Variants in DENND6A observed in about 807,000 individuals in gnomAD.
DENND6A encodes protein DENND6A.
DENND6A carries 43 observed loss-of-function variants against 95.5 expected under a neutral mutation model. The observed-to-expected ratio is 0.45, with a 90% CI of 0.35 to 0.58. The LOEUF (loss-of-function observed/expected upper bound fraction) is 0.58, where lower values mean the gene tolerates loss of function less well. Among genes scored for constraint, DENND6A ranks in the 20% least tolerant of loss-of-function variants. DENND6A has a pLI of 0.00. For synonymous variants in DENND6A, 257 were observed against 260.4 expected (o/e 0.99, Z 0.13); for missense variants, 574 against 736.0 (o/e 0.78, Z 2.55).
intron 14 of DENND6A, among the ~76,000 whole-genome samples, chr3:57,633,987 C>CTGTT (rs922784640): frequency 2.0e-5 from 3 of 151,996 alleles, no homozygotes; most frequent in African/African-American, 7.2e-5. Flanking sequence ...CAGTCCCCTA[C>CTGTT]TGTTAGATGC....
At chr3:57,664,409 T>C (rs1269271405) in intron 4 of DENND6A, among the ~76,000 whole-genome samples, 1 of 152,244 alleles carries the variant, frequency 6.6e-6, no homozygotes, top group East Asian at 1.9e-4. Flanking sequence ...CAGTTCCTTA[T>C]TTGATTATTA....
intron 15 of DENND6A, 25 bp downstream of exon 15, chr3:57,633,240 T>C: frequency 1.3e-6 from 2 of 1,577,916 alleles, no homozygotes; most frequent in Non-Finnish European, 8.7e-7. Context: ...CATTAAATTA[T>C]GCAAAAATTT....
At position 57,663,567 on chromosome 3, in the gene DENND6A, T is replaced by C. The variant is rs1257024072; in HGVS notation, c.513+69A>G. On this transcript the variant is annotated intron_variant, in intron 5 of 19. Transcript: ENST00000311128. ...ACCAAAGACTTTAAAGACTCTTAAA[T>C]CTAACACTTTCTATTTTTCTAATCA... 7 of 1,121,266 alleles carry C rather than the reference T, an allele frequency of 6.2e-6. No homozygotes were observed. The East Asian group carries it at 8.3e-5, about 13-fold the overall frequency. The allele number at this position is 1,121,266 out of a possible 1,614,324, so 69.5% of individuals were successfully genotyped here.
intron 11 of DENND6A, among the ~76,000 whole-genome samples, chr3:57,643,696 G>A (rs538850756): frequency 4.0e-5 from 6 of 151,800 alleles, no homozygotes; most frequent in African/African-American, 7.3e-5. Flanking sequence ...GTGTGGTGGT[G>A]CATGCCTGTA....
intron 3 of DENND6A, among the ~76,000 whole-genome samples, chr3:57,671,241 C>T (rs750503387): frequency 6.6e-6 from 1 of 152,110 alleles, no homozygotes; most frequent in Non-Finnish European, 1.5e-5. Context: ...TTAGAAGTAA[C>T]CGGCCGGGTG....
chr3:57,650,417 T>TACAC (rs1317323281), intron 9 of DENND6A, among the ~76,000 whole-genome samples: 6 of 80,088 alleles, frequency 7.5e-5, no homozygotes, highest in Non-Finnish European at 1.7e-4. Flanking sequence ...TACATGCATT[T>TACAC]ACATACACAC....
intron 15 of DENND6A, among the ~76,000 whole-genome samples, chr3:57,632,614 C>T (rs968494422): frequency 2.0e-4 from 31 of 152,128 alleles, no homozygotes; most frequent in Non-Finnish European, 4.1e-4. Context: ...CCAGGATGCC[C>T]TATATAATGT....
intron 1 of DENND6A, among the ~76,000 whole-genome samples, chr3:57,688,280 GC>G (rs2077229444): frequency 6.6e-6 from 1 of 152,058 alleles, no homozygotes; most frequent in Admixed American, 6.6e-5. Flanking sequence ...ACAGGCATGA[GC>G]CACCACACTC....
At chr3:57,629,678 AT>A (rs1208541846) in intron 18 of DENND6A, among the ~76,000 whole-genome samples, 3,149 of 136,440 alleles carry the variant, frequency 0.023, 70 homozygotes, top group African/African-American at 0.067. Flanking sequence ...CGCCCGGCTA[AT>A]TTTTTTTTTT....
intron 1 of DENND6A, among the ~76,000 whole-genome samples, chr3:57,686,450 T>C (rs1428073107): frequency 6.6e-6 from 1 of 152,236 alleles, no homozygotes; most frequent in Non-Finnish European, 1.5e-5. Flanking sequence ...TACCTTGTTT[T>C]ATTGTGCATC....
chr3:57,662,185 C>CTTTTTTTTTTTT (rs60063768), intron 5 of DENND6A, among the ~76,000 whole-genome samples: 180 of 79,156 alleles, frequency 2.3e-3, no homozygotes, highest in African/African-American at 3.1e-3. Context: ...TTTCTTTTTT[C>CTTTTTTTTTTTT]TTTTTTTTTT....
At chr3:57,655,896 A>G (rs553717315) in intron 9 of DENND6A, among the ~76,000 whole-genome samples, 1 of 152,250 alleles carries the variant, frequency 6.6e-6, no homozygotes, top group Non-Finnish European at 1.5e-5. Context: ...ATGTCCAATA[A>G]TTGAACTCTA....
intron 11 of DENND6A, 57 bp downstream of exon 11, chr3:57,645,604 C>T: frequency 7.8e-7 from 1 of 1,285,398 alleles, no homozygotes. Context: ...AAAAATAATT[C>T]TACACAATTT....
chr3:57,660,484 G>A (rs1458098683), intron 7 of DENND6A, among the ~76,000 whole-genome samples: 3 of 152,096 alleles, frequency 2.0e-5, no homozygotes, highest in Admixed American at 2.0e-4. Flanking sequence ...CACCACGCCT[G>A]TCCAAAAGTT....
intron 15 of DENND6A, 142 bp downstream of exon 15, chr3:57,633,123 G>T: frequency 1.5e-6 from 1 of 685,002 alleles, no homozygotes; most frequent in Non-Finnish European, 2.5e-6. Context: ...CAGGTCTCTT[G>T]CAAAGGGGTT....
rs199725127 is a variant in DENND6A, at chr3:57,660,756, T to C, written c.699+4A>G. Reference sequence around the variant, plus strand: ...AAGGAGACAATTGAGATATAAGATATTACCTTCATTACCACCCCCATGATT... The same window carrying C: ...AAGGAGACAATTGAGATATAAGATACTACCTTCATTACCACCCCCATGATT... On this transcript the variant is annotated splice_donor_region_variant and intron_variant, in intron 7 of 19. Coordinates refer to ENST00000311128, the MANE Select transcript of DENND6A (RefSeq NM_152678.3). 59 of 1,601,606 alleles carry C rather than the reference T, an allele frequency of 3.7e-5. No homozygotes were observed. Among genetic ancestry groups the C allele is most frequent in the Non-Finnish European group, 4.7e-5 (55 of 1,174,878 alleles).
intron 9 of DENND6A, among the ~76,000 whole-genome samples, chr3:57,648,174 A>C (rs909639236): frequency 6.6e-6 from 1 of 152,228 alleles, no homozygotes; most frequent in Non-Finnish European, 1.5e-5. Context: ...TCCGAATACA[A>C]AATTAATGTA....
chr3:57,632,200 T>C (rs1392967478), intron 15 of DENND6A, among the ~76,000 whole-genome samples: 2 of 146,626 alleles, frequency 1.4e-5, no homozygotes, highest in Non-Finnish European at 3.0e-5. Context: ...TTTGTATTTT[T>C]AGTAGAGACG....
intron 9 of DENND6A, among the ~76,000 whole-genome samples, chr3:57,649,534 A>AC: frequency 6.6e-6 from 1 of 151,692 alleles, no homozygotes; most frequent in South Asian, 2.1e-4. Flanking sequence ...AAGTCATAAA[A>AC]AAAAAAAAAA....
Sources: allele counts gnomAD v4.1 joint callset (sites outside exome capture counted in the v4.1 genomes callset), GRCh38; gene constraint gnomAD v4.1.1; transcripts MANE v1.5; gene names NCBI Gene and HGNC (gene_info 2026-07-23, HGNC 2026-07-21).